MAP2K4: variants seen among roughly 807,000 people sequenced by gnomAD.
MAP2K4 encodes dual specificity mitogen-activated protein kinase kinase 4.
In MAP2K4, 4 loss-of-function variants were observed where a neutral mutation model predicts 48.5. The ratio of observed to expected loss-of-function variants is 0.08; its 90% confidence interval spans 0.04 to 0.19. The LOEUF is 0.19. Ranked by LOEUF, MAP2K4 falls within the 10% of genes least tolerant of loss-of-function variation. MAP2K4 has a pLI of 1.00. For synonymous variants in MAP2K4, 166 were observed against 173.1 expected (o/e 0.96, Z 0.32); for missense variants, 258 against 493.3 (o/e 0.52, Z 4.52).
intron 1 of MAP2K4, among the ~76,000 whole-genome samples, chr17:12,047,280 G>A (rs1416145923): frequency 1.3e-5 from 2 of 152,034 alleles, no homozygotes; most frequent in Non-Finnish European, 2.9e-5. Flanking sequence ...TTTAGGACTT[G>A]GCCATCATAA....
intron 2 of MAP2K4, among the ~76,000 whole-genome samples, chr17:12,078,375 AATT>A (rs1394373481): frequency 6.6e-6 from 1 of 152,014 alleles, no homozygotes; most frequent in South Asian, 2.1e-4. Flanking sequence ...GATATTTAGG[AATT>A]ATTTTTATTT....
At chr17:12,037,647 G>C (rs1969642071) in intron 1 of MAP2K4, among the ~76,000 whole-genome samples, 1 of 152,018 alleles carries the variant, frequency 6.6e-6, no homozygotes, top group African/African-American at 2.4e-5. Flanking sequence ...TATAGTTAAT[G>C]AAGTTAGTTG....
chr17:12,107,789 G>T lies in MAP2K4; in HGVS notation c.514-1G>T, dbSNP rs2151572834. ...AATAACAGATATTTGTTATTTTATA[G>T]GGTGACTGTTGGATCTGTATGGAAC... On this transcript the variant is annotated splice_acceptor_variant, in intron 4 of 10. Transcript: ENST00000353533. LOFTEE classifies it high-confidence loss of function. 6.4e-7 allele frequency: 1 copy of T among 1,573,518 alleles called. No homozygotes were observed. Among genetic ancestry groups the T allele is most frequent in the South Asian group, 1.2e-5 (1 of 83,638 alleles).
rs148027359 is a variant in MAP2K4 at position 12,113,371 on chromosome 17, A to G, written c.813+11A>G. The G allele has an allele frequency of 3.2e-4, 517 of 1,611,960 alleles. 2 individuals are homozygous for G. In the East Asian group the frequency reaches 8.6e-3, roughly 27 times the overall value. On this transcript the variant is annotated intron_variant, in intron 7 of 10. Transcript: ENST00000353533. ...AGGCCATACATGGCAGTAAGTGTTA[A>G]GTCCAGGCCTTCTTGCTTGATAGTC...
At chr17:12,100,721 C>T (rs1295429082) in intron 4 of MAP2K4, among the ~76,000 whole-genome samples, 2 of 152,044 alleles carry the variant, frequency 1.3e-5, no homozygotes, top group Non-Finnish European at 2.9e-5. Flanking sequence ...TATTCCAGCA[C>T]TTAGTGTGAT....
At chr17:12,061,428 A>G (rs184926394) in intron 2 of MAP2K4, among the ~76,000 whole-genome samples, 1 of 152,210 alleles carries the variant, frequency 6.6e-6, no homozygotes, top group Non-Finnish European at 1.5e-5. Flanking sequence ...TGGAGAAGTG[A>G]TTCTCGACAG....
intron 7 of MAP2K4, among the ~76,000 whole-genome samples, chr17:12,119,580 A>C (rs746851796): frequency 1.3e-5 from 2 of 152,254 alleles, no homozygotes; most frequent in Non-Finnish European, 2.9e-5. Flanking sequence ...CAGTGTGGTG[A>C]TTCCTCAAAA....
chr17:12,046,396 A>G lies in MAP2K4; in HGVS notation c.116-8493A>G, dbSNP rs929360640. 9.2e-5 allele frequency among the ~76,000 whole-genome samples: 14 copies of G among 152,300 alleles called. No homozygotes were observed. The East Asian group carries it at 2.5e-3, about 27-fold the overall frequency. ...GATTAAAATGTTGTTAAATTTAGCA[A>G]CATTTTAAACTACAGTAGGGCCTTC... On this transcript the variant is annotated intron_variant, in intron 1 of 10. Coordinates refer to ENST00000353533, the MANE Select transcript of MAP2K4 (RefSeq NM_003010.4).
At chr17:12,087,371 A>T (rs1007640567) in intron 3 of MAP2K4, among the ~76,000 whole-genome samples, 4 of 152,094 alleles carry the variant, frequency 2.6e-5, no homozygotes, top group African/African-American at 9.7e-5. Context: ...CAGTGCTAAG[A>T]TTGACATTGT....
intron 3 of MAP2K4, among the ~76,000 whole-genome samples, chr17:12,083,750 A>C (rs76500102): frequency 6.6e-6 from 1 of 152,246 alleles, no homozygotes; most frequent in African/African-American, 2.4e-5. Flanking sequence ...ATAGTCTTTC[A>C]TCACACTTGA....
intron 1 of MAP2K4, among the ~76,000 whole-genome samples, chr17:12,048,176 C>T (rs999589923): frequency 6.6e-6 from 1 of 152,088 alleles, no homozygotes; most frequent in Admixed American, 6.6e-5. Flanking sequence ...CCTCACATTT[C>T]TTTTTAATTT....
Position 12,080,938 on chromosome 17 carries a change from T to C in MAP2K4, c.219-418T>C, listed in dbSNP as rs573956741. 3.2e-4 allele frequency among the ~76,000 whole-genome samples: 49 copies of C among 152,292 alleles called. 1 individual carries two copies. Among genetic ancestry groups the C allele is most frequent in the African/African-American group, 1.1e-3 (47 of 41,560 alleles). ...AAGATTGAGGCACTGGAATAACTAA[T>C]GTTGGGTAAGATAGGGTAAGAACTT... On this transcript the variant is annotated intron_variant, in intron 2 of 10. Transcript: ENST00000353533.
At chr17:12,135,364 G>A (rs568543157) in intron 9 of MAP2K4, among the ~76,000 whole-genome samples, 56 of 152,154 alleles carry the variant, frequency 3.7e-4, no homozygotes, top group Admixed American at 7.2e-4. Flanking sequence ...GATTACAGGC[G>A]CGAGCCACTG....
chr17:12,062,567 T>A (rs951183511), intron 2 of MAP2K4, among the ~76,000 whole-genome samples: 1 of 152,152 alleles, frequency 6.6e-6, no homozygotes, highest in African/African-American at 2.4e-5. Context: ...GAACTCAAGC[T>A]ATCTTCCTGC....
chr17:12,113,433 T>C, intron 7 of MAP2K4, 73 bp downstream of exon 7: 1 of 1,543,486 alleles, frequency 6.5e-7, no homozygotes, highest in Non-Finnish European at 8.8e-7. Flanking sequence ...GTGCTGGCCA[T>C]TAGTCATACG....
intron 4 of MAP2K4, among the ~76,000 whole-genome samples, chr17:12,098,805 G>A (rs986956593): frequency 6.6e-6 from 1 of 152,084 alleles, no homozygotes; most frequent in African/African-American, 2.4e-5. Context: ...ACAACCACTA[G>A]ACTCAGCTCT....
At position 12,125,408 on chromosome 17, in the gene MAP2K4, T is replaced by G. The variant is rs370396662; in HGVS notation, c.891+37T>G. 10 of 1,537,100 alleles carry G rather than the reference T, an allele frequency of 6.5e-6. No homozygotes were observed. The African/African-American group carries it at 1.4e-4, about 21-fold the overall frequency. ...CTGATTCAACCTTGCCACAGTAGCG[T>G]AACAATAAGAAATTTAGAAGTGAAA... On this transcript the variant is annotated intron_variant, in intron 8 of 10. Transcript: ENST00000353533.
intron 1 of MAP2K4, among the ~76,000 whole-genome samples, chr17:12,022,828 C>A (rs1025566586): frequency 2.0e-5 from 3 of 152,172 alleles, no homozygotes; most frequent in Admixed American, 2.0e-4. Flanking sequence ...GAGGGCAGTC[C>A]GCTTGATAAG....
intron 5 of MAP2K4, among the ~76,000 whole-genome samples, chr17:12,109,907 C>T (rs528694884): frequency 1.6e-4 from 24 of 151,970 alleles, no homozygotes; most frequent in African/African-American, 5.3e-4. Flanking sequence ...GCAGAAGGAT[C>T]GCTTGAGCCC....
Sources: allele counts gnomAD v4.1 joint callset (sites outside exome capture counted in the v4.1 genomes callset), GRCh38; gene constraint gnomAD v4.1.1; transcripts MANE v1.5; gene names NCBI Gene and HGNC (gene_info 2026-07-23, HGNC 2026-07-21).